Variants in FILIP1 observed in about 807,000 individuals in gnomAD.
The protein encoded by FILIP1 is filamin-A-interacting protein 1.
A neutral mutation model predicts 102.1 loss-of-function variants in FILIP1; 61 were observed. The ratio of observed to expected loss-of-function variants is 0.60; its 90% CI spans 0.49 to 0.74. The LOEUF (loss-of-function observed/expected upper bound fraction) is 0.74. Among genes scored for constraint, FILIP1 ranks in the 30% least tolerant of loss-of-function variants. FILIP1 has a pLI of 0.00. For synonymous variants in FILIP1, 491 were observed against 526.9 expected, an observed-to-expected ratio of 0.93 and a Z score of 0.93; for missense variants, 1,314 against 1,441.2, an observed-to-expected ratio of 0.91 and a Z score of 1.43.
At position 75,319,196 on chromosome 6, in the gene FILIP1, T is replaced by C. The variant is rs953529495; in HGVS notation, c.630-3994A>G. 4 of 754,240 alleles carry C rather than the reference T, an allele frequency of 5.3e-6. No homozygotes were observed. In the African/African-American group the frequency reaches 6.9e-5, roughly 13 times the overall value. 46.7% of individuals were successfully genotyped at this position (754,240 alleles called of 1,614,324 possible). A position where few individuals can be genotyped will look rare whatever the true frequency, so the allele number is the denominator to read the frequency against. On this transcript the variant is annotated intron_variant, in intron 4 of 5. Coordinates refer to ENST00000237172, the MANE Select transcript of FILIP1 (RefSeq NM_015687.5). ...TTAGCTTGATATGCAGCAATATCCTTTTCTTGTTTTTCCTTCAGCTTCGCA... is the reference window on the plus strand; with the variant it reads ...TTAGCTTGATATGCAGCAATATCCTCTTCTTGTTTTTCCTTCAGCTTCGCA...
intron 4 of FILIP1, among the ~76,000 whole-genome samples, chr6:75,331,683 TCTC>T (rs1774089587): frequency 6.6e-6 from 1 of 152,084 alleles, no homozygotes; most frequent in Non-Finnish European, 1.5e-5. Flanking sequence ...ACTGGAAAGA[TCTC>T]CTTCCTTTCT....
exon 7 of FILIP1, chr6:75,295,591 A>C (rs1772646758): frequency 4.9e-6 from 1 of 204,228 alleles, no homozygotes; most frequent in Non-Finnish European, 9.7e-6. Context: ...AAAGGGAAAC[A>C]CTTTAGCAAA....
intron 1 of FILIP1, among the ~76,000 whole-genome samples, chr6:75,490,996 C>T (rs1413472926): frequency 4.6e-5 from 7 of 152,068 alleles, no homozygotes; most frequent in East Asian, 1.9e-4. Flanking sequence ...GCTTAGGATA[C>T]GGCATTGCAC....
chr6:75,391,602 T>A (rs1230435730), intron 2 of FILIP1, among the ~76,000 whole-genome samples: 1 of 152,176 alleles, frequency 6.6e-6, no homozygotes, highest in East Asian at 1.9e-4. Context: ...ACTGTGCTTC[T>A]AATTAACACA....
chr6:75,461,332 T>C (rs1779017096), intron 1 of FILIP1, among the ~76,000 whole-genome samples: 1 of 152,222 alleles, frequency 6.6e-6, no homozygotes. Context: ...GCCTAAGCAA[T>C]TTGGGATCCA....
intron 4 of FILIP1, among the ~76,000 whole-genome samples, chr6:75,341,187 G>T (rs1203539561): frequency 6.6e-6 from 1 of 150,714 alleles, no homozygotes; most frequent in Non-Finnish European, 1.5e-5. Context: ...TTGAGACAGG[G>T]TCTCACTCTG....
At position 75,399,902 on chromosome 6, in the gene FILIP1, A is replaced by G. The variant is rs1582448350; in HGVS notation, c.276+14795T>C. On this transcript the variant is annotated intron_variant, in intron 2 of 5. Transcript: ENST00000237172. Reference sequence around the variant, plus strand: ...ACCTGAAGAGTATAATGCACCATCTATCTCTTCATATGCTTTTTTTGAAAA... The same window carrying G: ...ACCTGAAGAGTATAATGCACCATCTGTCTCTTCATATGCTTTTTTTGAAAA... Among the ~76,000 whole-genome samples the G allele has an allele frequency of 2.6e-5, 4 of 152,164 alleles. No individual in the cohort carries two copies. In the East Asian group the frequency reaches 5.8e-4, roughly 22 times the overall value.
intron 4 of FILIP1, among the ~76,000 whole-genome samples, chr6:75,330,043 A>T (rs1774020926): frequency 6.6e-6 from 1 of 152,180 alleles, no homozygotes; most frequent in Non-Finnish European, 1.5e-5. Flanking sequence ...GGGATGAGAG[A>T]GAAGTGGATG....
chr6:75,381,264 C>T (rs1191216863), intron 2 of FILIP1, among the ~76,000 whole-genome samples: 1 of 151,816 alleles, frequency 6.6e-6, no homozygotes, highest in Non-Finnish European at 1.5e-5. Context: ...GAGCCTTGCT[C>T]TGTCGCCCAA....
intron 4 of FILIP1, chr6:75,319,840 AAAG>A (rs1304693151): frequency 1.2e-4 from 53 of 426,078 alleles, no homozygotes; most frequent in East Asian, 2.7e-4. Flanking sequence ...CCAAAAAAAA[AAAG>A]AAAAGAAAAG....
chr6:75,425,531 G>A (rs1239201224), intron 1 of FILIP1, among the ~76,000 whole-genome samples: 3 of 152,024 alleles, frequency 2.0e-5, no homozygotes. Flanking sequence ...CTCCACACTG[G>A]CCTTAAGGTG....
chr6:75,350,688 C>G (rs1774766396), intron 4 of FILIP1, among the ~76,000 whole-genome samples: 1 of 152,106 alleles, frequency 6.6e-6, no homozygotes, highest in Non-Finnish European at 1.5e-5. Flanking sequence ...GAAAAATAAA[C>G]AGCCTGAATA....
chr6:75,400,519 G>A (rs1046840411), intron 2 of FILIP1, among the ~76,000 whole-genome samples: 1 of 152,164 alleles, frequency 6.6e-6, no homozygotes, highest in African/African-American at 2.4e-5. Flanking sequence ...AGGGAGGAAA[G>A]AAGAGCATGT....
intron 1 of FILIP1, among the ~76,000 whole-genome samples, chr6:75,425,410 T>C (rs553440484): frequency 1.3e-5 from 2 of 152,296 alleles, no homozygotes; most frequent in African/African-American, 4.8e-5. Flanking sequence ...GGGCAGGAAG[T>C]ATATAAGAAA....
intron 1 of FILIP1, among the ~76,000 whole-genome samples, chr6:75,474,243 T>G (rs533096682): frequency 1.3e-5 from 2 of 152,198 alleles, no homozygotes; most frequent in Non-Finnish European, 2.9e-5. Flanking sequence ...ACTCTCACAT[T>G]TTATGTCTGC....
intron 1 of FILIP1, among the ~76,000 whole-genome samples, chr6:75,475,206 T>C (rs546926996): frequency 6.6e-6 from 1 of 152,248 alleles, no homozygotes; most frequent in Non-Finnish European, 1.5e-5. Flanking sequence ...ATATCTTAAA[T>C]ATAAATCAAT....
chr6:75,431,442 G>A (rs1777820116), intron 1 of FILIP1, among the ~76,000 whole-genome samples: 1 of 152,126 alleles, frequency 6.6e-6, no homozygotes, highest in South Asian at 2.1e-4. Flanking sequence ...TTGAACCAGG[G>A]AGGGTGTCCT....
At chr6:75,416,950 A>T (rs1038490301) in intron 1 of FILIP1, among the ~76,000 whole-genome samples, 10 of 152,180 alleles carry the variant, frequency 6.6e-5, no homozygotes, top group Non-Finnish European at 1.5e-5. Context: ...ACATACAGAA[A>T]ATAATCTATT....
At chr6:75,300,306 C>A (rs1490724123) in intron 6 of FILIP1, among the ~76,000 whole-genome samples, 1 of 152,098 alleles carries the variant, frequency 6.6e-6, no homozygotes. Context: ...AAAACATGTC[C>A]TCTTGGATTT....
Sources: allele counts gnomAD v4.1 joint callset (sites outside exome capture counted in the v4.1 genomes callset), GRCh38; gene constraint gnomAD v4.1.1; transcripts MANE v1.5; gene names NCBI Gene and HGNC (gene_info 2026-07-23, HGNC 2026-07-21).